Variants in MAGI1 observed in about 807,000 individuals in gnomAD.
MAGI1 encodes membrane-associated guanylate kinase, WW and PDZ domain-containing protein 1.
A neutral mutation model predicts 139.9 loss-of-function variants in MAGI1; 58 were observed. The observed-to-expected ratio is 0.41, with a 90% CI of 0.34 to 0.52. MAGI1 has a LOEUF of 0.52. Ranked by LOEUF, MAGI1 falls within the 20% of genes least tolerant of loss-of-function variation. The probability of loss-of-function intolerance (pLI) is 0.12; values close to 1 mark genes in which losing one functional copy is unlikely to be tolerated. For synonymous variants in MAGI1, 812 were observed against 737.9 expected (o/e 1.10, Z -1.63); for missense variants, 1,874 against 1,901.6 (o/e 0.99, Z 0.27).
chr3:65,373,789 G>A (rs1942228588), intron 18 of MAGI1, among the ~76,000 whole-genome samples: 1 of 152,154 alleles, frequency 6.6e-6, no homozygotes, highest in Non-Finnish European at 1.5e-5. Context: ...GTTGGTAAGT[G>A]ACTAACCATG....
At chr3:65,643,401 G>A (rs1251547013) in intron 1 of MAGI1, among the ~76,000 whole-genome samples, 7 of 152,114 alleles carry the variant, frequency 4.6e-5, no homozygotes, top group Admixed American at 2.6e-4. Flanking sequence ...GAAAAATAAA[G>A]AGGGTGACAC....
At chr3:65,388,189 A>G (rs867059140) in intron 14 of MAGI1, among the ~76,000 whole-genome samples, 33 of 152,334 alleles carry the variant, frequency 2.2e-4, no homozygotes, top group Middle Eastern at 6.8e-3. Context: ...ATTCATTCTA[A>G]TACTGCTGCC....
In MAGI1 at chr3:65,648,950, G is replaced by T. The variant is rs796324283; in HGVS notation, c.314-26862C>A. ...ATGAAGATACAAAAGCAATTCAGTG[G>T]AGAAAGGACACCCTTTTCAACAAAT... On this transcript the variant is annotated intron_variant, in intron 1 of 22. Coordinates refer to ENST00000402939, the MANE Select transcript of MAGI1 (RefSeq NM_001033057.2). Among the ~76,000 whole-genome samples the T allele has an allele frequency of 7.2e-5, 11 of 152,152 alleles. No homozygotes were observed. In the South Asian group the frequency reaches 1.2e-3, roughly 17 times the overall value.
intron 1 of MAGI1, among the ~76,000 whole-genome samples, chr3:65,854,152 A>T (rs1241397131): frequency 6.7e-6 from 1 of 148,322 alleles, no homozygotes; most frequent in Non-Finnish European, 1.5e-5. Flanking sequence ...CTGTGTAAAA[A>T]TTCTAATCTT....
chr3:65,539,591 A>G (rs926784746), intron 2 of MAGI1, among the ~76,000 whole-genome samples: 2 of 152,276 alleles, frequency 1.3e-5, no homozygotes, highest in African/African-American at 2.4e-5. Flanking sequence ...GAAGTGCTCA[A>G]TGAGGAGGGT....
intron 1 of MAGI1, among the ~76,000 whole-genome samples, chr3:65,884,330 A>G (rs2060448919): frequency 6.6e-6 from 1 of 152,248 alleles, no homozygotes; most frequent in Non-Finnish European, 1.5e-5. Context: ...GTGCAGACTC[A>G]TTACTGATAC....
At chr3:65,547,297 G>A (rs190663086) in intron 2 of MAGI1, among the ~76,000 whole-genome samples, 10 of 152,296 alleles carry the variant, frequency 6.6e-5, no homozygotes, top group African/African-American at 9.6e-5. Flanking sequence ...GAATGTCAGC[G>A]TAGACAGCCT....
chr3:65,685,923 T>A (rs538544374), intron 1 of MAGI1, among the ~76,000 whole-genome samples: 48 of 152,264 alleles, frequency 3.2e-4, no homozygotes, highest in African/African-American at 1.0e-3. Context: ...CTCCATTTGC[T>A]TCAGATTCTT....
intron 1 of MAGI1, among the ~76,000 whole-genome samples, chr3:66,018,588 A>C (rs1056269757): frequency 2.6e-5 from 4 of 152,184 alleles, no homozygotes; most frequent in African/African-American, 9.7e-5. Flanking sequence ...CCAGTAAACT[A>C]TCTTGCCTCA....
intron 1 of MAGI1, among the ~76,000 whole-genome samples, chr3:66,005,932 C>T (rs901487267): frequency 1.3e-5 from 2 of 152,124 alleles, no homozygotes; most frequent in Admixed American, 6.5e-5. Context: ...AGGGTTGGTT[C>T]CTGGACTGGA....
rs1002602071 is a variant in MAGI1, at chr3:65,613,063, G to C, written c.430+8909C>G. Among the ~76,000 whole-genome samples the C allele has an allele frequency of 2.0e-5, 3 of 152,262 alleles. No individual in the cohort carries two copies. The South Asian group carries it at 6.2e-4, about 32-fold the overall frequency. On this transcript the variant is annotated intron_variant, in intron 2 of 22. Transcript: ENST00000402939. ...ATTTAATATGTTAATTTTTAAAAAT[G>C]GTCTTTAAGGTGATTGCAGGCAGAA...
chr3:65,633,916 G>A (rs1169928482), intron 1 of MAGI1, among the ~76,000 whole-genome samples: 2 of 152,118 alleles, frequency 1.3e-5, no homozygotes, highest in African/African-American at 4.8e-5. Flanking sequence ...TAAAGATACG[G>A]GTGTCTGTGC....
At chr3:65,541,137 A>G (rs573512254) in intron 2 of MAGI1, among the ~76,000 whole-genome samples, 4 of 152,328 alleles carry the variant, frequency 2.6e-5, no homozygotes, top group African/African-American at 9.6e-5. Flanking sequence ...AGAACACTAT[A>G]AACATCTCTA....
At chr3:65,925,957 C>A (rs1410759186) in intron 1 of MAGI1, among the ~76,000 whole-genome samples, 1 of 152,310 alleles carries the variant, frequency 6.6e-6, no homozygotes, top group South Asian at 2.1e-4. Flanking sequence ...GGATTACAGG[C>A]GTGAGCCACT....
chr3:65,865,086 A>G (rs1230707242), intron 1 of MAGI1, among the ~76,000 whole-genome samples: 2 of 152,160 alleles, frequency 1.3e-5, no homozygotes, highest in Non-Finnish European at 2.9e-5. Context: ...ATCTGTAACT[A>G]TGCCATACAC....
chr3:65,987,371 T>G (rs998738427), intron 1 of MAGI1, among the ~76,000 whole-genome samples: 10 of 152,110 alleles, frequency 6.6e-5, no homozygotes, highest in African/African-American at 2.4e-4. Context: ...GGTATAAGGA[T>G]TAAATCAAAG....
chr3:65,786,668 G>A (rs1187473704), intron 1 of MAGI1, among the ~76,000 whole-genome samples: 3 of 145,282 alleles, frequency 2.1e-5, no homozygotes, highest in East Asian at 2.0e-4. Context: ...CTGGAGTGCA[G>A]TGGCACGATC....
intron 1 of MAGI1, among the ~76,000 whole-genome samples, chr3:66,028,839 G>T (rs561825851): frequency 1.3e-5 from 2 of 152,194 alleles, no homozygotes; most frequent in African/African-American, 4.8e-5. Flanking sequence ...GCAGAAAAAA[G>T]AGTGTTTTTT....
chr3:65,692,225 T>C (rs534869082), intron 1 of MAGI1, among the ~76,000 whole-genome samples: 41 of 152,222 alleles, frequency 2.7e-4, no homozygotes, highest in South Asian at 1.5e-3. Context: ...GAACATGCGA[T>C]ACAAAATCCA....
Sources: gnomAD v4.1 joint callset for allele counts (sites outside exome capture counted in the v4.1 genomes callset) on GRCh38, gnomAD v4.1.1 for gene constraint, MANE v1.5 for transcripts, NCBI Gene and HGNC (gene_info 2026-07-23, HGNC 2026-07-21) for gene names.